The following ELP3 variants were observed in gnomAD, a reference collection of about 807,000 sequenced individuals.
ELP3 encodes the protein elongator complex protein 3.
Under a neutral mutation model 74.9 loss-of-function variants are expected in ELP3, and 56 were observed. The observed-to-expected ratio is 0.75, with a 90% CI of 0.60 to 0.93. The LOEUF (loss-of-function observed/expected upper bound fraction) is 0.93. ELP3 is among the 40% of genes least tolerant of loss of function. The pLI, the probability that ELP3 is intolerant of heterozygous loss-of-function variation, is 0.00. For synonymous variants in ELP3, 222 were observed against 239.8 expected (o/e 0.93, Z 0.68); for missense variants, 573 against 686.5 (o/e 0.83, Z 1.85).
intron 3 of ELP3, among the ~76,000 whole-genome samples, chr8:28,101,172 C>T (rs2057786462): frequency 6.6e-6 from 1 of 151,976 alleles, no homozygotes; most frequent in South Asian, 2.1e-4. Flanking sequence ...AATCCCAGCA[C>T]TTTGGGAGGC....
At chr8:28,104,174 C>T (rs907877921) in intron 3 of ELP3, among the ~76,000 whole-genome samples, 1 of 152,212 alleles carries the variant, frequency 6.6e-6, no homozygotes, top group Non-Finnish European at 1.5e-5. Flanking sequence ...TATCTAGTCA[C>T]ATCTTTTGCC....
chr8:28,138,098 C>T (rs1247505562), intron 10 of ELP3, among the ~76,000 whole-genome samples: 2 of 152,194 alleles, frequency 1.3e-5, no homozygotes, highest in East Asian at 1.9e-4. Context: ...TCTACCCATT[C>T]ATTCATGAGC....
chr8:28,163,867 G>A (rs1814202833), intron 14 of ELP3, among the ~76,000 whole-genome samples: 1 of 152,196 alleles, frequency 6.6e-6, no homozygotes, highest in African/African-American at 2.4e-5. Flanking sequence ...TGCAGGCTCT[G>A]TCTCAGTGGG....
At chr8:28,106,862 A>C in intron 4 of ELP3, 79 bp downstream of exon 4, 5 of 1,024,934 alleles carry the variant, frequency 4.9e-6, no homozygotes, top group South Asian at 1.4e-5. Context: ...TAGTCAGTAC[A>C]TCCTGGTAAT....
intron 7 of ELP3, among the ~76,000 whole-genome samples, chr8:28,123,866 C>A (rs1385149402): frequency 6.6e-6 from 1 of 152,008 alleles, no homozygotes; most frequent in Non-Finnish European, 1.5e-5. Context: ...TTATCCTTTT[C>A]CATACATTTG....
chr8:28,158,772 G>A (rs558290531), intron 12 of ELP3, 139 bp downstream of exon 12: 1 of 678,634 alleles, frequency 1.5e-6, no homozygotes, highest in Non-Finnish European at 2.5e-6. Context: ...TTAGATACCG[G>A]TGTCAAACCG....
At chr8:28,090,899 GTTT>G (rs1238774089), upstream of ELP3, among the ~76,000 whole-genome samples, 6 of 133,050 alleles carry the variant, frequency 4.5e-5, no homozygotes, top group East Asian at 1.3e-3. Context: ...GATTGTAAAT[GTTT>G]CCTTTTTTTT....
At chr8:28,112,235 C>T (rs907670890) in intron 6 of ELP3, among the ~76,000 whole-genome samples, 1 of 152,050 alleles carries the variant, frequency 6.6e-6, no homozygotes, top group Admixed American at 6.6e-5. Context: ...ACCTCCGCCT[C>T]CTGGTTCAAG....
At chr8:28,134,320 C>G (rs535357443) in intron 9 of ELP3, among the ~76,000 whole-genome samples, 4 of 152,280 alleles carry the variant, frequency 2.6e-5, no homozygotes, top group East Asian at 3.9e-4. Context: ...GTGTCTTCAA[C>G]ATAAGGAATA....
intron 14 of ELP3, among the ~76,000 whole-genome samples, chr8:28,167,282 C>A (rs1280069539): frequency 6.6e-6 from 1 of 152,146 alleles, no homozygotes; most frequent in African/African-American, 2.4e-5. Flanking sequence ...CTTATACAAT[C>A]CAATATGGCT....
At chr8:28,131,185 G>A (rs1293572454) in intron 8 of ELP3, among the ~76,000 whole-genome samples, 2 of 152,124 alleles carry the variant, frequency 1.3e-5, no homozygotes, top group Non-Finnish European at 2.9e-5. Context: ...GGAAGTCAAG[G>A]AGGCTTGGAG....
chr8:28,177,400 C>G (rs1234466306), intron 14 of ELP3, among the ~76,000 whole-genome samples: 2 of 152,192 alleles, frequency 1.3e-5, no homozygotes, highest in Non-Finnish European at 2.9e-5. Context: ...ATAATAAAGT[C>G]TCATTTCAAT....
intron 14 of ELP3, among the ~76,000 whole-genome samples, chr8:28,183,990 T>C (rs1815130365): frequency 6.6e-6 from 1 of 152,210 alleles, no homozygotes; most frequent in Admixed American, 6.5e-5. Flanking sequence ...GATTGCTTTT[T>C]CTTGGCTGGC....
In ELP3 at chr8:28,147,825, A is replaced by G. The variant is rs1813489605; in HGVS notation, c.1101-8117A>G. On this transcript the variant is annotated intron_variant, in intron 10 of 14. Transcript: ENST00000256398. The surrounding 1 kb of genome is among the most constrained non-coding windows in gnomAD (Gnocchi z 4.5). ...TTCCAGGGCTGGGCAGCAAACATAC[A>G]GGATGAACACAGAACATCTTGTCTT... is the stretch of plus-strand genomic sequence containing the variant. Among the ~76,000 whole-genome samples, 1 of 152,206 alleles carries G rather than the reference A, an allele frequency of 6.6e-6. No homozygotes were observed. Among genetic ancestry groups the G allele is most frequent in the South Asian group, 2.1e-4 (1 of 4,830 alleles).
chr8:28,170,464 C>A (rs913541889), intron 14 of ELP3, among the ~76,000 whole-genome samples: 4 of 152,184 alleles, frequency 2.6e-5, no homozygotes, highest in Admixed American at 2.6e-4. Context: ...CTGCACCTGA[C>A]CCTTTGTGTG....
At chr8:28,135,078 A>G (rs4732827) in intron 9 of ELP3, among the ~76,000 whole-genome samples, 88,997 of 151,880 alleles carry the variant, frequency 0.59, 28,037 homozygotes, top group East Asian at 0.92. Flanking sequence ...ACAGGTGCCC[A>G]CCACCACACC....
At chr8:28,138,562 C>T (rs765194688) in intron 10 of ELP3, among the ~76,000 whole-genome samples, 19 of 152,134 alleles carry the variant, frequency 1.2e-4, no homozygotes, top group Non-Finnish European at 2.6e-4. Context: ...ACATTCCCAC[C>T]ACCCTGCCAA....
intron 10 of ELP3, among the ~76,000 whole-genome samples, chr8:28,141,763 G>T (rs1813247102): frequency 6.6e-6 from 1 of 152,154 alleles, no homozygotes. Flanking sequence ...CAACAAAGCT[G>T]CAGTAAATAG....
intron 11 of ELP3, among the ~76,000 whole-genome samples, chr8:28,157,981 TCTTC>T (rs942402921): frequency 1.4e-5 from 2 of 145,660 alleles, no homozygotes; most frequent in Non-Finnish European, 1.5e-5. Context: ...TCCCTCCCTC[TCTTC>T]CTTCCTTCCT....
Sources: allele counts gnomAD v4.1 joint callset (sites outside exome capture counted in the v4.1 genomes callset), GRCh38; gene constraint gnomAD v4.1.1; non-coding constraint Gnocchi (gnomAD v3.1); transcripts MANE v1.5; gene names NCBI Gene and HGNC (gene_info 2026-07-23, HGNC 2026-07-21).